Variants in DUSP4 observed in about 807,000 individuals in gnomAD.
The protein encoded by DUSP4 is dual specificity phosphatase 4.
In DUSP4, 12 loss-of-function variants were observed where a neutral mutation model predicts 27.2. The observed-to-expected ratio is 0.44, with a 90% CI of 0.28 to 0.71. The LOEUF (loss-of-function observed/expected upper bound fraction) is 0.71. Among genes scored for constraint, DUSP4 ranks in the 30% least tolerant of loss-of-function variants. DUSP4 has a pLI of 0.14. For synonymous variants in DUSP4, 257 were observed against 245.2 expected (o/e 1.05, Z -0.45); for missense variants, 448 against 551.3 (o/e 0.81, Z 1.88).
rs1431015956 is a variant in DUSP4 at position 29,337,782 on chromosome 8, T to C, written c.800-371A>G. ...ACTAGCCTGGGCAATATGATGAAAC[T>C]GTCTCTACAAAAATACAAAAATTAG... On this transcript the variant is annotated intron_variant, in intron 3 of 3. Transcript: ENST00000240100. The surrounding 1 kb of genome is among the most constrained non-coding windows in gnomAD (Gnocchi z 6.4). Among the ~76,000 whole-genome samples, 1 of 151,956 alleles carries C rather than the reference T, an allele frequency of 6.6e-6. No individual in the cohort carries two copies. Among genetic ancestry groups the C allele is most frequent in the African/African-American group, 2.4e-5 (1 of 41,360 alleles).
rs1444970490 is a variant in DUSP4, at chr8:29,338,334, A to G, written c.747T>C (p.Asp249=). 2 of 1,614,158 alleles carry G rather than the reference A, an allele frequency of 1.2e-6. No homozygotes were observed. The highest frequency in any genetic ancestry group is 3.3e-5 in the Admixed American group (2 of 60,020). ...HYQYKCIPVE[D]NHKADISSWF... ...AGGAGCTGATGTCGGCCTTGTGGTT[A>G]TCTTCCACTGGGATGCACTTGTACT... Residue 249 remains aspartate, a synonymous_variant, in exon 3 of 4, where the codon GAT becomes GAC. Transcript: ENST00000240100.
Position 29,337,480 on chromosome 8 carries a change from A to G in DUSP4, c.800-69T>C, listed in dbSNP as rs1817596559. ...CCAGCCCCGACCAGGGGCACCGGCC[A>G]GCCCCTGGGGTCGGGGGGCTCTGAA... On this transcript the variant is annotated intron_variant, in intron 3 of 3. Coordinates refer to ENST00000240100, the MANE Select transcript of DUSP4 (RefSeq NM_001394.7). This position sits in a 1 kb window ranked among gnomAD's most constrained non-coding sequence, Gnocchi z 6.4. 2 of 1,519,234 alleles carry G rather than the reference A, an allele frequency of 1.3e-6. No homozygotes were observed. The highest frequency in any genetic ancestry group is 2.8e-5 in the African/African-American group (2 of 72,576). 94.1% of individuals were successfully genotyped at this position (1,519,234 alleles called of 1,614,324 possible).
chr8:29,348,789 G>C (rs934845193), intron 1 of DUSP4: 1 of 982,110 alleles, frequency 1.0e-6, no homozygotes, highest in Non-Finnish European at 1.2e-6. Flanking sequence ...TGATGGGTGT[G>C]GGGGGGTCTG....
At chr8:29,342,175 G>A (rs1001998907) in intron 1 of DUSP4, among the ~76,000 whole-genome samples, 1 of 152,200 alleles carries the variant, frequency 6.6e-6, no homozygotes, top group Non-Finnish European at 1.5e-5. Flanking sequence ...GAAGAGCCCA[G>A]AGCAGCTGAG....
Position 29,333,367 on chromosome 8 carries a change from C to T in DUSP4, c.*3659G>A, listed in dbSNP as rs145139314. ...GGTTCAAAGAGGAGACATCCTCCAT[C>T]TTTATTGATGGACAAGACAGTCTCA... On this transcript the variant is annotated 3_prime_UTR_variant, in exon 4 of 4. Coordinates refer to ENST00000240100, the MANE Select transcript of DUSP4 (RefSeq NM_001394.7). 4.7e-4 allele frequency: 72 copies of T among 152,352 alleles called. No individual in the cohort carries two copies. Among genetic ancestry groups the T allele is most frequent in the African/African-American group, 1.7e-3 (72 of 41,590 alleles). The allele number at this position is 152,352 out of a possible 1,614,324, so 9.4% of individuals were successfully genotyped here. A position where few individuals can be genotyped will look rare whatever the true frequency, so the allele number is the denominator to read the frequency against.
intron 1 of DUSP4, chr8:29,345,253 TG>T (rs943520119): frequency 9.7e-6 from 12 of 1,232,942 alleles, no homozygotes; most frequent in Non-Finnish European, 1.4e-5. Flanking sequence ...CAAGAAAGTC[TG>T]GGGTTGTTTG....
rs1369329570 is a variant in DUSP4, at chr8:29,350,293, G to A, written c.-15C>T. 1 of 1,556,350 alleles carries A rather than the reference G, an allele frequency of 6.4e-7. No homozygotes were observed. The highest frequency in any genetic ancestry group is 8.7e-7 in the Non-Finnish European group (1 of 1,152,108). ...ATCGTCACCATGGTCGCCGGGAACC[G>A]AGGCGGCTGGGCGCGCGAGGAAGAG... On this transcript the variant is annotated 5_prime_UTR_variant, in exon 1 of 4. Coordinates refer to ENST00000240100, the MANE Select transcript of DUSP4 (RefSeq NM_001394.7).
Position 29,350,331 on chromosome 8 carries a change from G to A in DUSP4, c.-53C>T, listed in dbSNP as rs1817805187. On this transcript the variant is annotated 5_prime_UTR_variant, in exon 1 of 4. Coordinates refer to ENST00000240100, the MANE Select transcript of DUSP4 (RefSeq NM_001394.7). Reference sequence around the variant, plus strand: ...GCGCGAGGAAGAGAAGAGAACCCGGGCCGCCTAGGCTGCAGAAAGGGGCGG... The same window carrying A: ...GCGCGAGGAAGAGAAGAGAACCCGGACCGCCTAGGCTGCAGAAAGGGGCGG... 2.0e-6 allele frequency: 3 copies of A among 1,510,524 alleles called. No homozygotes were observed. The highest frequency in any genetic ancestry group is 2.2e-5 in the Admixed American group (1 of 45,686). The allele number at this position is 1,510,524 out of a possible 1,614,324, so 93.6% of individuals were successfully genotyped here.
chr8:29,336,028 CTT>C lies in DUSP4; in HGVS notation c.*996_*997del, dbSNP rs1563858808. On this transcript the variant is annotated 3_prime_UTR_variant, in exon 4 of 4. Coordinates refer to ENST00000240100, the MANE Select transcript of DUSP4 (RefSeq NM_001394.7). Reference sequence around the variant, plus strand: ...TCAGGAGGCCGAGGTGGGAGGATCTCTTGAGCCCAAGAGCTTGAGATGAGCCT... The same window carrying C: ...TCAGGAGGCCGAGGTGGGAGGATCTCGAGCCCAAGAGCTTGAGATGAGCCT... 1 of 152,206 alleles carries C rather than the reference CTT, an allele frequency of 6.6e-6. No individual in the cohort carries two copies. Among genetic ancestry groups the C allele is most frequent in the African/African-American group, 2.4e-5 (1 of 41,450 alleles). The allele number at this position is 152,206 out of a possible 1,614,324, so 9.4% of individuals were successfully genotyped here.
At chr8:29,340,418 A>C (rs1817641900) in intron 1 of DUSP4, among the ~76,000 whole-genome samples, 175 bp from the exon 2 acceptor site, 1 of 152,192 alleles carries the variant, frequency 6.6e-6, no homozygotes, top group African/African-American at 2.4e-5. Context: ...TGGTTTCCAG[A>C]GATGCAGAGG....
rs1817553982 is a variant in DUSP4, at chr8:29,335,244, C to T, written c.*1782G>A. On this transcript the variant is annotated 3_prime_UTR_variant, in exon 4 of 4. Coordinates refer to ENST00000240100, the MANE Select transcript of DUSP4 (RefSeq NM_001394.7). ...CCCTCCCCACAGAAAACGTGTCTCC[C>T]TCCAAAGCCATTCTCCATTTAGAAA... 1 of 152,020 alleles carries T rather than the reference C, an allele frequency of 6.6e-6. No individual in the cohort carries two copies. The highest frequency in any genetic ancestry group is 2.4e-5 in the African/African-American group (1 of 41,372). The allele number at this position is 152,020 out of a possible 1,614,324, so 9.4% of individuals were successfully genotyped here. A position where few individuals can be genotyped will look rare whatever the true frequency, so the allele number is the denominator to read the frequency against.
rs550146696 is a variant in DUSP4 at position 29,338,505 on chromosome 8, C to A, written c.580-4G>T. 11 of 1,612,026 alleles carry A rather than the reference C, an allele frequency of 6.8e-6. No individual in the cohort carries two copies. The highest frequency in any genetic ancestry group is 9.3e-6 in the Non-Finnish European group (11 of 1,179,536). On this transcript the variant is annotated splice_region_variant and splice_polypyrimidine_tract_variant and intron_variant, in intron 2 of 3. Coordinates refer to ENST00000240100, the MANE Select transcript of DUSP4 (RefSeq NM_001394.7). ...GAAGGATCTCCACAGGACCCCCCTGCACAGAAAGGGAAACAAAGGCCCCTG... is the reference window on the plus strand; with the variant it reads ...GAAGGATCTCCACAGGACCCCCCTGAACAGAAAGGGAAACAAAGGCCCCTG...
chr8:29,349,925 G>T lies in DUSP4; in HGVS notation c.354C>A (p.Leu118=). The change falls in exon 1 of 4, where the codon CTC becomes CTA. Residue 118 remains leucine, a synonymous_variant. Coordinates refer to ENST00000240100, the MANE Select transcript of DUSP4 (RefSeq NM_001394.7). ...YDERSPRAES[L]REDSTVSLVV... Reference sequence around the variant, plus strand: ...CCAGCGACACGGTGCTGTCCTCGCGGAGGCTCTCGGCGCGCGGGCTGCGCT... The same window carrying T: ...CCAGCGACACGGTGCTGTCCTCGCGTAGGCTCTCGGCGCGCGGGCTGCGCT... 6.3e-7 allele frequency: 1 copy of T among 1,593,670 alleles called. No homozygotes were observed.
rs748725206 is a variant in DUSP4 at position 29,337,037 on chromosome 8, G to C, written c.1174C>G (p.Pro392Ala). 7 of 1,601,210 alleles carry C rather than the reference G, an allele frequency of 4.4e-6. No individual in the cohort carries two copies. Among genetic ancestry groups the C allele is most frequent in the Admixed American group, 1.7e-5 (1 of 57,966 alleles). ...PYLHSPITTS[P>A]SC ...CCCCCAGGGCGGCTCTAACAGCTGG[G>C]AGAGGTGGTGATGGGGCTGTGCAGG... is the stretch of plus-strand genomic sequence containing the variant. Residue 392 changes from proline (P) to alanine (A), a missense_variant, in exon 4 of 4, where the codon CCC becomes GCC. Physicochemically the swap from Pro to Ala is conservative, Grantham distance 27 (BLOSUM62 -1). This residue lies in a region of DUSP4 where 100 missense variants were observed against 139.8 expected (regional missense o/e 0.72). Transcript: ENST00000240100. This position sits in a 1 kb window ranked among gnomAD's most constrained non-coding sequence, Gnocchi z 6.4.
At chr8:29,342,849 A>G (rs185733048) in intron 1 of DUSP4, among the ~76,000 whole-genome samples, 14 of 152,334 alleles carry the variant, frequency 9.2e-5, no homozygotes, top group Non-Finnish European at 1.5e-4. Flanking sequence ...GTTCCCTCTG[A>G]GGGAGTTTTA....
chr8:29,344,992 C>T (rs902107410), intron 1 of DUSP4, among the ~76,000 whole-genome samples: 3 of 152,194 alleles, frequency 2.0e-5, no homozygotes, highest in African/African-American at 7.2e-5. Context: ...CAGGCACATG[C>T]CATCTCGCCC....
At position 29,338,617 on chromosome 8, in the gene DUSP4, C is replaced by T. The variant is rs1379246874; in HGVS notation, c.580-116G>A. On this transcript the variant is annotated intron_variant, in intron 2 of 3. Transcript: ENST00000240100. ...TTTCCAAACCCAGGGAGAATGCCTGCTGGGCCTGGCCCTCCCAGCCTCCCC... is the reference window on the plus strand; with the variant it reads ...TTTCCAAACCCAGGGAGAATGCCTGTTGGGCCTGGCCCTCCCAGCCTCCCC... The T allele has an allele frequency of 3.3e-6, 4 of 1,197,590 alleles. No individual in the cohort carries two copies. In the East Asian group the frequency reaches 1.0e-4, roughly 31 times the overall value. The allele number at this position is 1,197,590 out of a possible 1,614,324, so 74.2% of individuals were successfully genotyped here.
chr8:29,339,428 G>A (rs11991246), intron 2 of DUSP4, among the ~76,000 whole-genome samples: 8,100 of 152,120 alleles, frequency 0.053, 697 homozygotes, highest in African/African-American at 0.18. Flanking sequence ...CCTGCCTGTC[G>A]GGGACTGAGA....
intron 1 of DUSP4, among the ~76,000 whole-genome samples, chr8:29,349,167 G>A (rs1043599762): frequency 6.6e-6 from 1 of 152,228 alleles, no homozygotes; most frequent in African/African-American, 2.4e-5. Context: ...AGGCGCTAGA[G>A]GACCGGTTCC....
Sources: gnomAD v4.1 joint callset for allele counts (sites outside exome capture counted in the v4.1 genomes callset) on GRCh38, gnomAD v4.1.1 for gene constraint, gnomAD v4.1.1 regional missense constraint, Gnocchi (gnomAD v3.1) non-coding constraint, MANE v1.5 for transcripts, NCBI Gene and HGNC (gene_info 2026-07-23, HGNC 2026-07-21) for gene names.